The following EDA variants were observed in gnomAD, a reference collection of about 807,000 sequenced individuals.
EDA encodes ectodysplasin A.
A neutral mutation model predicts 23.6 loss-of-function variants in EDA; 2 were observed. The ratio of observed to expected loss-of-function variants is 0.08; its 90% confidence interval spans 0.03 to 0.27. EDA has a LOEUF of 0.27. EDA is among the 10% of genes least tolerant of loss of function. The pLI is 1.00. For synonymous variants in EDA, 131 were observed against 132.0 expected, an observed-to-expected ratio of 0.99 and a Z score of 0.05; for missense variants, 229 against 324.2, an observed-to-expected ratio of 0.71 and a Z score of 2.26.
chrX:69,661,299 C>CTGATGGTTGTT (rs766653854), intron 1 of EDA, among the ~76,000 whole-genome samples: 2 of 86,168 alleles, frequency 2.3e-5, no homozygotes, highest in African/African-American at 9.5e-5. Flanking sequence ...TGTAGGTTGC[C>CTGATGGTTGTT]TCTTCACTCT....
At chrX:69,753,052 AG>A (rs1205426948) in intron 1 of EDA, among the ~76,000 whole-genome samples, 1 of 110,948 alleles carries the variant, frequency 9.0e-6, no homozygotes, top group Non-Finnish European at 1.9e-5. Flanking sequence ...GATTTTTTGA[AG>A]GGTTTTTTGT....
chrX:69,789,774 A>G (rs1334665773), intron 1 of EDA, among the ~76,000 whole-genome samples: 1 of 112,008 alleles, frequency 8.9e-6, no homozygotes, highest in Non-Finnish European at 1.9e-5. Context: ...ATGCAGTTAT[A>G]CAGTCTCTTA....
intron 2 of EDA, among the ~76,000 whole-genome samples, chrX:70,019,963 GA>G (rs1291973475): frequency 3.6e-5 from 4 of 111,327 alleles, no homozygotes; most frequent in Non-Finnish European, 7.5e-5. Context: ...GCATTTTAGG[GA>G]AAAAATATAA....
chrX:69,738,890 A>G lies in EDA; in HGVS notation c.396+122186A>G, dbSNP rs183058425. ...TTATGTTCATTTAAATTTATTGAGG[A>G]TTGTTTTATGGCCTAGCATATGGTC... On this transcript the variant is annotated intron_variant, in intron 1 of 7. Transcript: ENST00000374552. Among the ~76,000 whole-genome samples, 630 of 110,732 alleles carry G rather than the reference A, an allele frequency of 5.7e-3. 4 individuals are homozygous for G. Among genetic ancestry groups the G allele is most frequent in the Non-Finnish European group, 9.4e-3 (495 of 52,654 alleles).
intron 1 of EDA, among the ~76,000 whole-genome samples, chrX:69,881,665 C>T (rs1379457679): frequency 9.0e-6 from 1 of 111,600 alleles, no homozygotes; most frequent in Non-Finnish European, 1.9e-5. Flanking sequence ...GTCCATTTTG[C>T]GTTGCTATAA....
At chrX:70,031,791 T>A (rs889138007) in intron 6 of EDA, among the ~76,000 whole-genome samples, 1 of 112,590 alleles carries the variant, frequency 8.9e-6, no homozygotes, top group African/African-American at 3.2e-5. Context: ...TCCCCACCTG[T>A]CCAGGGAGGC....
chrX:69,734,357 A>T (rs1200612619), intron 1 of EDA, among the ~76,000 whole-genome samples: 1 of 111,538 alleles, frequency 9.0e-6, no homozygotes, highest in Non-Finnish European at 1.9e-5. Context: ...AGATTTATCA[A>T]TTTTTTTGGT....
chrX:69,809,427 G>A (rs1170751036), intron 1 of EDA, among the ~76,000 whole-genome samples: 1 of 111,229 alleles, frequency 9.0e-6, no homozygotes, highest in Non-Finnish European at 1.9e-5. Flanking sequence ...CCACTGCTGT[G>A]ATCCAGTCAC....
At chrX:69,633,864 T>C (rs1364444392) in intron 1 of EDA, among the ~76,000 whole-genome samples, 1 of 112,335 alleles carries the variant, frequency 8.9e-6, no homozygotes, top group East Asian at 2.8e-4. Flanking sequence ...TTCCATTCAT[T>C]TGGGGTATAT....
At chrX:69,963,180 TA>T (rs1168436450) in intron 2 of EDA, among the ~76,000 whole-genome samples, 1 of 112,269 alleles carries the variant, frequency 8.9e-6, no homozygotes, top group Non-Finnish European at 1.9e-5. Flanking sequence ...CTTCAATTTT[TA>T]AAAATAATAA....
chrX:69,701,348 T>A (rs1190948894), intron 1 of EDA, among the ~76,000 whole-genome samples: 1 of 111,275 alleles, frequency 9.0e-6, no homozygotes, highest in African/African-American at 3.3e-5. Flanking sequence ...CATGGCCTGG[T>A]GGGCTTACCT....
At chrX:69,833,304 G>GT (rs1201453439) in intron 1 of EDA, among the ~76,000 whole-genome samples, 2 of 110,641 alleles carry the variant, frequency 1.8e-5, no homozygotes, top group African/African-American at 3.3e-5. Context: ...TAATCATGTG[G>GT]TTTTTTTGTT....
At chrX:70,033,162 A>G (rs1239377494) in intron 6 of EDA, among the ~76,000 whole-genome samples, 1 of 112,858 alleles carries the variant, frequency 8.9e-6, no homozygotes, top group Non-Finnish European at 1.9e-5. Context: ...GCAAGGGTCA[A>G]GAAAGGAAGG....
intron 1 of EDA, among the ~76,000 whole-genome samples, chrX:69,836,497 C>T (rs925922818): frequency 1.1e-4 from 12 of 112,566 alleles, no homozygotes; most frequent in Admixed American, 4.7e-4. Flanking sequence ...CAGACTGCTG[C>T]GCTACCAGTG....
intron 1 of EDA, among the ~76,000 whole-genome samples, chrX:69,752,195 T>A (rs956284627): frequency 2.7e-5 from 3 of 111,344 alleles, no homozygotes; most frequent in Admixed American, 1.9e-4. Context: ...CCCATTCAGT[T>A]TGATATTGGC....
intron 1 of EDA, among the ~76,000 whole-genome samples, chrX:69,781,088 A>G (rs990501821): frequency 7.2e-5 from 8 of 111,788 alleles, no homozygotes; most frequent in Non-Finnish European, 1.3e-4. Flanking sequence ...ATTTTTTTCT[A>G]TGATTGAATA....
chrX:69,813,703 A>G (rs2016013232), intron 1 of EDA, among the ~76,000 whole-genome samples: 1 of 111,110 alleles, frequency 9.0e-6, no homozygotes. Context: ...AAGCAAAACC[A>G]CTGTTTTATT....
chrX:69,674,258 G>C (rs1298901722), intron 1 of EDA, among the ~76,000 whole-genome samples: 1 of 110,974 alleles, frequency 9.0e-6, no homozygotes, highest in East Asian at 2.8e-4. Context: ...AGGGTAGAAG[G>C]TCTGTCTATT....
chrX:69,704,267 A>G (rs1008052812), intron 1 of EDA, among the ~76,000 whole-genome samples: 6 of 111,850 alleles, frequency 5.4e-5, no homozygotes, highest in Admixed American at 9.5e-5. Flanking sequence ...TCTGATTGGT[A>G]ATTGGTTGAA....
Sources: gnomAD v4.1 joint callset for allele counts (sites outside exome capture counted in the v4.1 genomes callset) on GRCh38, gnomAD v4.1.1 for gene constraint, MANE v1.5 for transcripts, NCBI Gene and HGNC (gene_info 2026-07-23, HGNC 2026-07-21) for gene names.